The following PALM2AKAP2 variants were observed in gnomAD, a reference collection of about 807,000 sequenced individuals.
The protein encoded by PALM2AKAP2 is PALM2-AKAP2 fusion protein.
In PALM2AKAP2, 37 loss-of-function variants were observed where a neutral mutation model predicts 71.5. The observed-to-expected ratio is 0.52, with a 90% confidence interval of 0.40 to 0.68. The LOEUF (loss-of-function observed/expected upper bound fraction) is 0.68, where lower values mean the gene tolerates loss of function less well. Ranked by LOEUF, PALM2AKAP2 falls within the 30% of genes least tolerant of loss-of-function variation. The pLI is 0.00. For missense variants in PALM2AKAP2, 1,224 were observed against 1,191.8 expected, an observed-to-expected ratio of 1.03 and a Z score of -0.40; for synonymous variants, 468 against 478.8, an observed-to-expected ratio of 0.98 and a Z score of 0.29.
chr9:110,114,332 A>G (rs1835315113), intron 1 of PALM2AKAP2, among the ~76,000 whole-genome samples: 1 of 152,186 alleles, frequency 6.6e-6, no homozygotes, highest in African/African-American at 2.4e-5. Flanking sequence ...TCTTTCCCTT[A>G]TAAAGACACC....
exon 2 of PALM2AKAP2, chr9:110,137,034 A>T: frequency 6.2e-7 from 1 of 1,614,124 alleles, no homozygotes. Flanking sequence ...AAAAAGTACA[A>T]GGAGCGCAAA....
At position 110,156,536 on chromosome 9, in the gene PALM2AKAP2, G is replaced by A. The variant is rs7847034; in HGVS notation, c.2748+39G>A. 9.6e-3 allele frequency: 14,982 copies of A among 1,556,014 alleles called. 1,217 individuals are homozygous for A. In the African/African-American group the frequency reaches 0.18, roughly 18 times the overall value. ...CCTTTCCTCTTTCACTTCTCTGAGC[G>A]CGGCCATCGGTGTGGCGTGTGGCAT... is the stretch of plus-strand genomic sequence containing the variant. On this transcript the variant is annotated intron_variant, in intron 3 of 3. Transcript: ENST00000374525.
chr9:109,695,325 G>A (rs966163288), intron 1 of PALM2AKAP2, among the ~76,000 whole-genome samples: 1 of 152,148 alleles, frequency 6.6e-6, no homozygotes, highest in Non-Finnish European at 1.5e-5. Flanking sequence ...CCAGCGGTGG[G>A]ATTGCTGGGT....
intron 1 of PALM2AKAP2, among the ~76,000 whole-genome samples, chr9:109,705,844 TTAAA>T (rs1201524781): frequency 6.6e-6 from 1 of 152,216 alleles, no homozygotes; most frequent in African/African-American, 2.4e-5. Flanking sequence ...TTCTCATTTG[TTAAA>T]TAGAGATAAT....
intron 1 of PALM2AKAP2, among the ~76,000 whole-genome samples, chr9:109,681,599 C>A (rs780771005): frequency 1.3e-5 from 2 of 152,108 alleles, no homozygotes; most frequent in Non-Finnish European, 2.9e-5. Flanking sequence ...GCTGGGGGAT[C>A]AGCATGACAA....
At chr9:110,100,215 A>G (rs1425584515) in intron 1 of PALM2AKAP2, among the ~76,000 whole-genome samples, 1 of 152,014 alleles carries the variant, frequency 6.6e-6, no homozygotes, top group African/African-American at 2.4e-5. Flanking sequence ...TTAAAAAGGC[A>G]GCATGGGTAT....
At chr9:109,930,466 T>G (rs1353811537) in intron 5 of PALM2AKAP2, among the ~76,000 whole-genome samples, 1 of 151,856 alleles carries the variant, frequency 6.6e-6, no homozygotes, top group Non-Finnish European at 1.5e-5. Context: ...CCTCAGGTGA[T>G]CCACCCGCCT....
At chr9:109,724,531 G>C (rs1034579415) in intron 1 of PALM2AKAP2, among the ~76,000 whole-genome samples, 5 of 152,134 alleles carry the variant, frequency 3.3e-5, no homozygotes, top group Non-Finnish European at 5.9e-5. Context: ...TACTAGAGCA[G>C]GAACACAGAA....
At chr9:109,749,093 C>T (rs1828847507) in intron 1 of PALM2AKAP2, among the ~76,000 whole-genome samples, 1 of 152,092 alleles carries the variant, frequency 6.6e-6, no homozygotes, top group Non-Finnish European at 1.5e-5. Flanking sequence ...ATGTGCTCTC[C>T]CTTAGGGGGT....
intron 6 of PALM2AKAP2, among the ~76,000 whole-genome samples, chr9:109,957,114 C>G (rs1831760483): frequency 6.6e-6 from 1 of 152,206 alleles, no homozygotes; most frequent in Non-Finnish European, 1.5e-5. Flanking sequence ...CAAACTTAAA[C>G]TCTCCAGTAA....
chr9:110,101,864 G>A (rs543297750), intron 1 of PALM2AKAP2, among the ~76,000 whole-genome samples: 3 of 152,274 alleles, frequency 2.0e-5, no homozygotes, highest in East Asian at 3.9e-4. Flanking sequence ...ACCCACTTAC[G>A]AGGCAGCCTG....
upstream of PALM2AKAP2, chr9:110,048,540 G>A (rs1016561211): frequency 2.7e-5 from 18 of 657,844 alleles, no homozygotes; most frequent in African/African-American, 2.6e-4. Context: ...ACTGAGAGGA[G>A]AAGGTGTGGG....
intron 1 of PALM2AKAP2, among the ~76,000 whole-genome samples, chr9:109,691,214 C>G (rs1827880252): frequency 6.6e-6 from 1 of 151,304 alleles, no homozygotes; most frequent in South Asian, 2.1e-4. Context: ...CATGCACACA[C>G]AGCTTCATAT....
chr9:110,058,775 C>T (rs941091337), intron 1 of PALM2AKAP2, among the ~76,000 whole-genome samples: 1 of 152,106 alleles, frequency 6.6e-6, no homozygotes, highest in Non-Finnish European at 1.5e-5. Context: ...GATCTGTCCT[C>T]CCTCCCCTGT....
At chr9:109,808,813 G>A (rs1222105088) in intron 1 of PALM2AKAP2, among the ~76,000 whole-genome samples, 1 of 152,224 alleles carries the variant, frequency 6.6e-6, no homozygotes, top group Non-Finnish European at 1.5e-5. Flanking sequence ...TGGGCCCAGG[G>A]CCTTGCTGCT....
At chr9:110,048,756 C>T in exon 1 of PALM2AKAP2, 1 of 1,537,848 alleles carries the variant, frequency 6.5e-7, no homozygotes, top group South Asian at 1.2e-5. Context: ...CTCCTGGACC[C>T]CCGGAGTCTC....
In PALM2AKAP2 at chr9:109,764,667, G is replaced by A. The variant is rs182405757; in HGVS notation, c.6-15821G>A. 3.8e-3 allele frequency among the ~76,000 whole-genome samples: 586 copies of A among 152,266 alleles called. 3 individuals are homozygous for A. Among genetic ancestry groups the A allele is most frequent in the Middle Eastern group, 6.8e-3 (2 of 294 alleles). ...GCACCTTATTCAACTCTGCCTCACC[G>A]ATGCCAGTGCAGTAGTGGAAGGTGT... On this transcript the variant is annotated intron_variant, in intron 1 of 6. Coordinates refer to the PALM2AKAP2 transcript ENST00000374531.
chr9:109,794,603 G>T (rs16914504), intron 1 of PALM2AKAP2, among the ~76,000 whole-genome samples: 15,786 of 152,072 alleles, frequency 0.1, 2,500 homozygotes, highest in African/African-American at 0.34. Flanking sequence ...TTGGGACCAG[G>T]GCCTTGATTT....
intron 1 of PALM2AKAP2, among the ~76,000 whole-genome samples, chr9:109,801,013 C>T (rs1827415698): frequency 6.6e-6 from 1 of 152,128 alleles, no homozygotes; most frequent in Non-Finnish European, 1.5e-5. Context: ...TTCAATTAGC[C>T]CAGTCTGGTT....
Sources: allele counts gnomAD v4.1 joint callset (sites outside exome capture counted in the v4.1 genomes callset), GRCh38; gene constraint gnomAD v4.1.1; transcripts MANE v1.5; gene names NCBI Gene and HGNC (gene_info 2026-07-23, HGNC 2026-07-21).